CARD14: variants seen among roughly 807,000 people sequenced by gnomAD.
CARD14 encodes the protein caspase recruitment domain-containing protein 14.
Under a neutral mutation model 111.5 loss-of-function variants are expected in CARD14, and 107 were observed. That is an observed-to-expected ratio of 0.96 (90% confidence interval 0.82 to 1.13). The LOEUF (loss-of-function observed/expected upper bound fraction) is 1.13. Among genes scored for constraint, CARD14 ranks in the 50% most tolerant of loss-of-function variants. The probability of loss-of-function intolerance (pLI) is 0.00; values close to 1 mark genes in which losing one functional copy is unlikely to be tolerated. For synonymous variants in CARD14, 617 were observed against 579.6 expected (o/e 1.06, Z -0.93); for missense variants, 1,322 against 1,362.3 (o/e 0.97, Z 0.47).
rs1315026337 is a variant in CARD14 at position 80,209,051 on chromosome 17, G to C, written c.*706G>C. Reference sequence around the variant, plus strand: ...AGAGAAGCCTGGCACCAGTACCCCCGTACAAGGCCCAGCGGACTCTGCCTT... The same window carrying C: ...AGAGAAGCCTGGCACCAGTACCCCCCTACAAGGCCCAGCGGACTCTGCCTT... On this transcript the variant is annotated 3_prime_UTR_variant, in exon 24 of 24. Coordinates refer to ENST00000648509, the MANE Select transcript of CARD14 (RefSeq NM_001366385.1). 1 of 153,144 alleles carries C rather than the reference G, an allele frequency of 6.5e-6. No individual in the cohort carries two copies. The highest frequency in any genetic ancestry group is 2.1e-4 in the South Asian group (1 of 4,842). The allele number at this position is 153,144 out of a possible 1,614,324, so 9.5% of individuals were successfully genotyped here. A position where few individuals can be genotyped will look rare whatever the true frequency, so the allele number is the denominator to read the frequency against.
chr17:80,189,905 T>A lies in CARD14; in HGVS notation c.963+33T>A. The A allele has an allele frequency of 6.3e-7, 1 of 1,579,852 alleles. No homozygotes were observed. The highest frequency in any genetic ancestry group is 8.6e-7 in the Non-Finnish European group (1 of 1,168,100). The stretch of plus-strand genomic sequence containing the variant: ...GTGAGCCCTTCCTCCCTTGTGACTC[T>A]CCTGGGGCTTGTCTCAGGGGTGCGG... On this transcript the variant is annotated intron_variant, in intron 9 of 23. Coordinates refer to ENST00000648509, the MANE Select transcript of CARD14 (RefSeq NM_001366385.1). This position sits in a 1 kb window ranked among gnomAD's most constrained non-coding sequence, Gnocchi z 4.7.
intron 5 of CARD14, 82 bp downstream of exon 5, chr17:80,181,731 G>T: frequency 1.6e-6 from 2 of 1,253,832 alleles, no homozygotes; most frequent in South Asian, 1.5e-5. Context: ...TCTTCAGGGG[G>T]TCTCTTCTCG....
chr17:80,201,725 C>A lies in CARD14; in HGVS notation c.1852-19C>A, dbSNP rs1221006005. 6.2e-7 allele frequency: 1 copy of A among 1,613,556 alleles called. No homozygotes were observed. The highest frequency in any genetic ancestry group is 1.3e-5 in the African/African-American group (1 of 74,914). ...AGAGTCCCGGGGGAAAGAGACTGAC[C>A]TTCTCGACTTGCCCTCAGGTTGATT... On this transcript the variant is annotated intron_variant, in intron 16 of 23. Transcript: ENST00000648509. This position sits in a 1 kb window ranked among gnomAD's most constrained non-coding sequence, Gnocchi z 5.0.
chr17:80,205,413 C>T, intron 21 of CARD14, 118 bp from the exon 22 acceptor site: 1 of 1,399,714 alleles, frequency 7.1e-7, no homozygotes, highest in South Asian at 1.3e-5. Context: ...AGTGGACATC[C>T]TAAGAAGAGC....
intron 14 of CARD14, chr17:80,197,464 C>T (rs112830458): frequency 0.052 from 7,793 of 149,516 alleles, 271 homozygotes; most frequent in East Asian, 0.084. Flanking sequence ...ACCCGGGAGG[C>T]GGAGGTTGCA....
chr17:80,191,564 A>T lies in CARD14; in HGVS notation c.1239+92A>T. 3 of 1,500,204 alleles carry T rather than the reference A, an allele frequency of 2.0e-6. No individual in the cohort carries two copies. In the South Asian group the frequency reaches 3.6e-5, roughly 18 times the overall value. 92.9% of individuals were successfully genotyped at this position (1,500,204 alleles called of 1,614,324 possible). A position where few individuals can be genotyped will look rare whatever the true frequency, so the allele number is the denominator to read the frequency against. On this transcript the variant is annotated intron_variant, in intron 11 of 23. Transcript: ENST00000648509. ...GGGCTCCAGGGTGGCCCATGGAGGC[A>T]CTGGGAGGACAGGCAGGGTCCCAGG... is the stretch of plus-strand genomic sequence containing the variant.
chr17:80,203,789 C>T lies in CARD14; in HGVS notation c.2220-33C>T, dbSNP rs1474262589. The T allele has an allele frequency of 1.3e-6, 2 of 1,541,544 alleles. No individual in the cohort carries two copies. The highest frequency in any genetic ancestry group is 2.7e-5 in the African/African-American group (2 of 73,110). On this transcript the variant is annotated intron_variant, in intron 18 of 23. Transcript: ENST00000648509. This position sits in a 1 kb window ranked among gnomAD's most constrained non-coding sequence, Gnocchi z 4.6. The stretch of plus-strand genomic sequence containing the variant: ...CCTGCCCTGCTCACCTGGCAGGAGG[C>T]AGCTGGGTCAGGGCCTCTGCTGGTC...
At position 80,195,750 on chromosome 17, in the gene CARD14, C is replaced by A; in HGVS notation, c.1594+98C>A. ...CCGGGGCCTCTCTCCAGGGAAAGGG[C>A]AGATAGAAGCAGAGCTCAACTTCTG... On this transcript the variant is annotated intron_variant, in intron 14 of 23. Transcript: ENST00000648509. The surrounding 1 kb of genome is among the most constrained non-coding windows in gnomAD (Gnocchi z 4.7). 1.0e-6 allele frequency: 1 copy of A among 970,562 alleles called. No homozygotes were observed. The highest frequency in any genetic ancestry group is 1.5e-6 in the Non-Finnish European group (1 of 649,016). The allele number at this position is 970,562 out of a possible 1,614,324, so 60.1% of individuals were successfully genotyped here.
At position 80,201,938 on chromosome 17, in the gene CARD14, G is replaced by A; in HGVS notation, c.1978+68G>A. On this transcript the variant is annotated intron_variant, in intron 17 of 23. Coordinates refer to ENST00000648509, the MANE Select transcript of CARD14 (RefSeq NM_001366385.1). The surrounding 1 kb of genome is among the most constrained non-coding windows in gnomAD (Gnocchi z 5.0). ...ACTCCATGACCCTTAAGTCCCTGGT[G>A]GTTCTTCTGCACGCCCAGCAGCCAG... 6.6e-7 allele frequency: 1 copy of A among 1,524,164 alleles called. No individual in the cohort carries two copies. Among genetic ancestry groups the A allele is most frequent in the Non-Finnish European group, 8.8e-7 (1 of 1,130,892 alleles). 94.4% of individuals were successfully genotyped at this position (1,524,164 alleles called of 1,614,324 possible).
intron 21 of CARD14, 85 bp downstream of exon 21, chr17:80,205,290 C>A (rs1023624238): frequency 1.2e-4 from 144 of 1,244,018 alleles, no homozygotes; most frequent in Non-Finnish European, 1.6e-4. Flanking sequence ...TCCCCTTCCT[C>A]CCTCCTCCTT....
At chr17:80,190,988 C>T (rs1160201145) in intron 10 of CARD14, 89 bp downstream of exon 10, 1 of 1,515,192 alleles carries the variant, frequency 6.6e-7, no homozygotes, top group Non-Finnish European at 8.9e-7. Flanking sequence ...GGCTCCCTGC[C>T]CTTGATGGCA....
In CARD14 at chr17:80,201,441, T is replaced by G; in HGVS notation, c.1852-303T>G. On this transcript the variant is annotated intron_variant, in intron 16 of 23. Coordinates refer to ENST00000648509, the MANE Select transcript of CARD14 (RefSeq NM_001366385.1). This position sits in a 1 kb window ranked among gnomAD's most constrained non-coding sequence, Gnocchi z 5.0. ...CTTGAATGTTCTAGAACCGAGGTTC[T>G]TTCTTTTCTTTTCTTTTCTTTTTCA... is the stretch of plus-strand genomic sequence containing the variant. 3 of 324,742 alleles carry G rather than the reference T, an allele frequency of 9.2e-6. No homozygotes were observed. Among genetic ancestry groups the G allele is most frequent in the Non-Finnish European group, 1.7e-5 (3 of 174,646 alleles). The allele number at this position is 324,742 out of a possible 1,614,324, so 20.1% of individuals were successfully genotyped here. A position where few individuals can be genotyped will look rare whatever the true frequency, so the allele number is the denominator to read the frequency against.
At chr17:80,205,691 G>T in intron 22 of CARD14, 39 bp downstream of exon 22, 1 of 1,512,676 alleles carries the variant, frequency 6.6e-7, no homozygotes. Flanking sequence ...AGCTGTCCTG[G>T]GAAGGGTTTC....
chr17:80,190,628 AAG>A lies in CARD14; in HGVS notation c.964-134_964-133del, dbSNP rs375041213. 7.9e-4 allele frequency: 381 copies of A among 482,678 alleles called. 1 individual carries two copies. The highest frequency in any genetic ancestry group is 6.0e-3 in the African/African-American group (293 of 48,438). 29.9% of individuals were successfully genotyped at this position (482,678 alleles called of 1,614,324 possible). On this transcript the variant is annotated intron_variant, in intron 9 of 23. Coordinates refer to ENST00000648509, the MANE Select transcript of CARD14 (RefSeq NM_001366385.1). ...TCTCTGTCTCAAAAAAAAAAAAAAA[AAG>A]AGAGAGAGAGACGAGTGAGAATTGA... is the stretch of plus-strand genomic sequence containing the variant.
rs193262780 is a variant in CARD14, at chr17:80,182,691, G to A, written c.250G>A (p.Gly84Arg). ...LDLLKTRGKN[G>R]AIAFLESLKF... ...TTTGCTGAAGACTCGAGGGAAGAAC[G>A]GGGCCATCGCCTTCCTGGAGAGCCT... The change falls in exon 6 of 24, where the codon GGG becomes AGG. Residue 84 changes from glycine to arginine, a missense_variant. Gly to Arg is a moderately radical substitution (Grantham distance 125). Coordinates refer to ENST00000648509, the MANE Select transcript of CARD14 (RefSeq NM_001366385.1). The surrounding 1 kb of genome is among the most constrained non-coding windows in gnomAD (Gnocchi z 4.7). The A allele has an allele frequency of 1.2e-5, 19 of 1,614,118 alleles. No homozygotes were observed. The highest frequency in any genetic ancestry group is 4.5e-5 in the East Asian group (2 of 44,874).
chr17:80,200,017 G>A (rs1206202189), intron 16 of CARD14, among the ~76,000 whole-genome samples: 2 of 152,128 alleles, frequency 1.3e-5, no homozygotes, highest in Non-Finnish European at 2.9e-5. Flanking sequence ...CTGGGGATGG[G>A]GGCTCTGGGG....
At chr17:80,179,481 C>T (rs2040103128) in intron 4 of CARD14, among the ~76,000 whole-genome samples, 180 bp downstream of exon 4, 1 of 152,222 alleles carries the variant, frequency 6.6e-6, no homozygotes, top group South Asian at 2.1e-4. Context: ...AAGCTGCTGT[C>T]TGCACGAAGT....
At position 80,208,123 on chromosome 17, in the gene CARD14, C is replaced by T. The variant is rs549404117; in HGVS notation, c.2808-15C>T. 27 of 1,499,318 alleles carry T rather than the reference C, an allele frequency of 1.8e-5. No individual in the cohort carries two copies. Among genetic ancestry groups the T allele is most frequent in the Non-Finnish European group, 2.3e-5 (26 of 1,109,426 alleles). The allele number at this position is 1,499,318 out of a possible 1,614,324, so 92.9% of individuals were successfully genotyped here. A position where few individuals can be genotyped will look rare whatever the true frequency, so the allele number is the denominator to read the frequency against. ...TCTCCCCTGAGCCCGCCCCCCCCAACTCTGGCCTGTGCAGGAAGGGCCTAC... is the reference window on the plus strand; with the variant it reads ...TCTCCCCTGAGCCCGCCCCCCCCAATTCTGGCCTGTGCAGGAAGGGCCTAC... On this transcript the variant is annotated splice_polypyrimidine_tract_variant and intron_variant, in intron 23 of 23. Coordinates refer to ENST00000648509, the MANE Select transcript of CARD14 (RefSeq NM_001366385.1).
At chr17:80,200,965 T>C (rs7225268) in intron 16 of CARD14, 129,987 of 152,398 alleles carry the variant, frequency 0.85, 55,894 homozygotes, top group East Asian at 0.96. Flanking sequence ...AATGCTCACT[T>C]GCCCACCACG....
Sources: allele counts gnomAD v4.1 joint callset (sites outside exome capture counted in the v4.1 genomes callset), GRCh38; gene constraint gnomAD v4.1.1; non-coding constraint Gnocchi (gnomAD v3.1); transcripts MANE v1.5; gene names NCBI Gene and HGNC (gene_info 2026-07-23, HGNC 2026-07-21).